The following PPP4R2 variants were observed in gnomAD, a reference collection of about 807,000 sequenced individuals.
The protein encoded by PPP4R2 is protein phosphatase 4 regulatory subunit 2.
A neutral mutation model predicts 47.2 loss-of-function variants in PPP4R2; 13 were observed. The observed-to-expected ratio is 0.28, with a 90% CI of 0.18 to 0.44. PPP4R2 has a LOEUF of 0.44. Ranked by LOEUF, PPP4R2 falls within the 20% of genes least tolerant of loss-of-function variation. PPP4R2 has a pLI of 1.00. For missense variants in PPP4R2, 421 were observed against 491.2 expected (o/e 0.86, Z 1.35); for synonymous variants, 151 against 163.3 (o/e 0.92, Z 0.57).
intron 3 of PPP4R2, among the ~76,000 whole-genome samples, chr3:73,049,248 C>G (rs1017382476): frequency 1.5e-4 from 22 of 151,554 alleles, no homozygotes; most frequent in African/African-American, 5.1e-4. Context: ...CCTGTAATCC[C>G]AGCACTTTGG....
chr3:73,045,526 ATTTTT>A (rs10659714), intron 2 of PPP4R2, among the ~76,000 whole-genome samples: 2 of 139,412 alleles, frequency 1.4e-5, no homozygotes, highest in African/African-American at 5.4e-5. Flanking sequence ...CATTCTCCTA[ATTTTT>A]TTTTTTTTTT....
chr3:73,066,527 TTATG>T lies in PPP4R2; in HGVS notation c.*806_*809del, dbSNP rs1404334701. The T allele has an allele frequency of 6.6e-6, 1 of 152,026 alleles. No individual in the cohort carries two copies. Among genetic ancestry groups the T allele is most frequent in the African/African-American group, 2.4e-5 (1 of 41,430 alleles). The allele number at this position is 152,026 out of a possible 1,614,324, so 9.4% of individuals were successfully genotyped here. The stretch of plus-strand genomic sequence containing the variant: ...GTGCCTGAGAAAAAGACTTCATTAT[TTATG>T]AGAAAATATGCTTTATCTTGGAAAT... On this transcript the variant is annotated 3_prime_UTR_variant, in exon 9 of 9. Transcript: ENST00000356692.
At chr3:73,025,624 G>C (rs1702048875) in intron 2 of PPP4R2, among the ~76,000 whole-genome samples, 1 of 152,138 alleles carries the variant, frequency 6.6e-6, no homozygotes, top group Admixed American at 6.5e-5. Context: ...CATGGTGCAA[G>C]GAGGCATTTC....
chr3:73,051,991 C>T (rs1559564589), intron 3 of PPP4R2, among the ~76,000 whole-genome samples: 1 of 152,096 alleles, frequency 6.6e-6, no homozygotes, highest in Non-Finnish European at 1.5e-5. Flanking sequence ...ATTTCCTGAA[C>T]TATAAGCTTC....
In PPP4R2 at chr3:73,067,884, C is replaced by T. The variant is rs1436385580; in HGVS notation, c.*2162C>T. On this transcript the variant is annotated 3_prime_UTR_variant, in exon 9 of 9. Transcript: ENST00000356692. ...AATGTACCAAAATGACATCACTTAA[C>T]TCTATGAGAGATCTGCATTTTAATC... The T allele has an allele frequency of 6.6e-6, 1 of 152,132 alleles. No homozygotes were observed. 9.4% of individuals were successfully genotyped at this position (152,132 alleles called of 1,614,324 possible).
chr3:73,058,139 T>C lies in PPP4R2; in HGVS notation c.288-898T>C, dbSNP rs73838460. On this transcript the variant is annotated intron_variant, in intron 3 of 8. Coordinates refer to ENST00000356692, the MANE Select transcript of PPP4R2 (RefSeq NM_174907.4). ...ATAAAATGATTTTAGTTCCAACTTA[T>C]ATCAGTTTTGTATTTACTGTGGTCA... Among the ~76,000 whole-genome samples the C allele has an allele frequency of 6.4e-3, 978 of 152,168 alleles. 8 individuals carry two copies. Among genetic ancestry groups the C allele is most frequent in the African/African-American group, 0.022 (926 of 41,578 alleles).
intron 2 of PPP4R2, among the ~76,000 whole-genome samples, chr3:73,033,682 A>G (rs1332707063): frequency 2.0e-5 from 3 of 152,210 alleles, no homozygotes; most frequent in South Asian, 2.1e-4. Flanking sequence ...CCATTAAACA[A>G]TAATGACCAT....
rs1216486937 is a variant in PPP4R2, at chr3:73,067,767, CTT to C, written c.*2047_*2048del. ...GTAAGTTGAAGATTTAGCATTATGA[CTT>C]TGAGGTCTGTGGTTTTATTTGTAAA... On this transcript the variant is annotated 3_prime_UTR_variant, in exon 9 of 9. Coordinates refer to ENST00000356692, the MANE Select transcript of PPP4R2 (RefSeq NM_174907.4). The C allele has an allele frequency of 6.6e-6, 1 of 152,200 alleles. No homozygotes were observed. The highest frequency in any genetic ancestry group is 1.9e-4 in the East Asian group (1 of 5,178). The allele number at this position is 152,200 out of a possible 1,614,324, so 9.4% of individuals were successfully genotyped here. A position where few individuals can be genotyped will look rare whatever the true frequency, so the allele number is the denominator to read the frequency against.
At chr3:73,008,958 G>C (rs956610440) in intron 2 of PPP4R2, among the ~76,000 whole-genome samples, 1 of 152,194 alleles carries the variant, frequency 6.6e-6, no homozygotes, top group African/African-American at 2.4e-5. Context: ...AGGTAATAAA[G>C]TAGGTCTATT....
At chr3:73,028,070 A>T (rs906248545) in intron 2 of PPP4R2, among the ~76,000 whole-genome samples, 1 of 151,558 alleles carries the variant, frequency 6.6e-6, no homozygotes, top group Non-Finnish European at 1.5e-5. Context: ...CAGCCTGGCC[A>T]ACATGGTGAA....
At chr3:73,034,310 T>A (rs926934774) in intron 2 of PPP4R2, among the ~76,000 whole-genome samples, 4 of 152,194 alleles carry the variant, frequency 2.6e-5, no homozygotes, top group Admixed American at 2.6e-4. Context: ...TTATTTTAAC[T>A]CCTCCTCTTC....
At chr3:73,055,926 T>G (rs1358237039) in intron 3 of PPP4R2, among the ~76,000 whole-genome samples, 2 of 152,078 alleles carry the variant, frequency 1.3e-5, no homozygotes, top group Non-Finnish European at 2.9e-5. Flanking sequence ...TATTTTACAG[T>G]ATAACTTTGC....
At chr3:72,998,713 CA>C in intron 2 of PPP4R2, among the ~76,000 whole-genome samples, 1 of 152,228 alleles carries the variant, frequency 6.6e-6, no homozygotes, top group East Asian at 1.9e-4. Flanking sequence ...TACATATGCT[CA>C]GCATTTTATT....
At chr3:73,025,859 G>A (rs1397020910) in intron 2 of PPP4R2, among the ~76,000 whole-genome samples, 1 of 152,206 alleles carries the variant, frequency 6.6e-6, no homozygotes, top group Admixed American at 6.5e-5. Context: ...TCACTCAGGA[G>A]ATGATTATGG....
intron 3 of PPP4R2, among the ~76,000 whole-genome samples, chr3:73,057,238 G>C (rs1355646594): frequency 6.6e-6 from 1 of 152,068 alleles, no homozygotes; most frequent in Non-Finnish European, 1.5e-5. Context: ...TTTTAAAGTA[G>C]AGTTAGTTTT....
At chr3:73,038,356 G>A (rs1009496223) in intron 2 of PPP4R2, among the ~76,000 whole-genome samples, 1 of 151,968 alleles carries the variant, frequency 6.6e-6, no homozygotes, top group Admixed American at 6.6e-5. Flanking sequence ...TAGATTCTAG[G>A]GACATTTTTT....
chr3:73,065,826 C>G lies in PPP4R2; in HGVS notation c.*104C>G. ...TGGACCTTTAGTTTTACAAGAGAAGCAGGTTGTAAAATAAAGTACTTTATG... is the reference window on the plus strand; with the variant it reads ...TGGACCTTTAGTTTTACAAGAGAAGGAGGTTGTAAAATAAAGTACTTTATG... On this transcript the variant is annotated 3_prime_UTR_variant, in exon 9 of 9. Coordinates refer to ENST00000356692, the MANE Select transcript of PPP4R2 (RefSeq NM_174907.4). 1.3e-6 allele frequency: 1 copy of G among 746,184 alleles called. No individual in the cohort carries two copies. Among genetic ancestry groups the G allele is most frequent in the Non-Finnish European group, 2.1e-6 (1 of 470,224 alleles). The allele number at this position is 746,184 out of a possible 1,614,324, so 46.2% of individuals were successfully genotyped here.
chr3:73,015,564 C>T (rs1447496532), intron 2 of PPP4R2, among the ~76,000 whole-genome samples: 2 of 151,604 alleles, frequency 1.3e-5, no homozygotes, highest in South Asian at 2.1e-4. Context: ...CAACCTCTGC[C>T]TCCCTGGTTC....
At chr3:73,017,818 C>G (rs1469558044) in intron 2 of PPP4R2, among the ~76,000 whole-genome samples, 9 of 151,998 alleles carry the variant, frequency 5.9e-5, no homozygotes. Flanking sequence ...CCTCCACCTC[C>G]TGGGTTCTAG....
Sources: gnomAD v4.1 joint callset for allele counts (sites outside exome capture counted in the v4.1 genomes callset) on GRCh38, gnomAD v4.1.1 for gene constraint, MANE v1.5 for transcripts, NCBI Gene and HGNC (gene_info 2026-07-23, HGNC 2026-07-21) for gene names.